The following CARMIL1 variants were observed in gnomAD, a reference collection of about 807,000 sequenced individuals.
CARMIL1 encodes the protein F-actin-uncapping protein LRRC16A.
A neutral mutation model predicts 177.1 loss-of-function variants in CARMIL1; 90 were observed. The observed-to-expected ratio is 0.51, with a 90% CI of 0.43 to 0.61. The LOEUF is 0.61. Among genes scored for constraint, CARMIL1 ranks in the 20% least tolerant of loss-of-function variants. The pLI, the probability that CARMIL1 is intolerant of heterozygous loss-of-function variation, is 0.00. For missense variants in CARMIL1, 1,380 were observed against 1,667.0 expected, an observed-to-expected ratio of 0.83 and a Z score of 3.00; for synonymous variants, 577 against 606.2, an observed-to-expected ratio of 0.95 and a Z score of 0.71.
chr6:25,537,588 T>C (rs1808428994), intron 24 of CARMIL1, among the ~76,000 whole-genome samples: 1 of 152,226 alleles, frequency 6.6e-6, no homozygotes. Context: ...ACGTGCTGCA[T>C]TTCCTAAGGC....
At chr6:25,614,473 A>G (rs1816745864) in intron 36 of CARMIL1, among the ~76,000 whole-genome samples, 1 of 152,234 alleles carries the variant, frequency 6.6e-6, no homozygotes, top group Admixed American at 6.5e-5. Context: ...GAAAATCTCT[A>G]TCTTCAGTCC....
At chr6:25,322,457 A>T (rs1379360142) in intron 2 of CARMIL1, among the ~76,000 whole-genome samples, 1 of 152,222 alleles carries the variant, frequency 6.6e-6, no homozygotes, top group East Asian at 1.9e-4. Flanking sequence ...AAATAGAGTG[A>T]TTATTAAAGT....
intron 8 of CARMIL1, among the ~76,000 whole-genome samples, chr6:25,462,008 C>G (rs967578439): frequency 4.6e-5 from 7 of 151,930 alleles, no homozygotes; most frequent in African/African-American, 1.7e-4. Context: ...ATCTTTTGCT[C>G]ATTTAAAAAA....
intron 2 of CARMIL1, 72 bp from the exon 3 acceptor site, chr6:25,420,042 C>T (rs1272338842): frequency 1.7e-6 from 2 of 1,150,678 alleles, no homozygotes; most frequent in South Asian, 1.2e-5. Context: ...CATTAAAGTC[C>T]CGTGGAAACA....
chr6:25,295,713 A>T (rs189015876), intron 2 of CARMIL1, among the ~76,000 whole-genome samples: 1 of 152,270 alleles, frequency 6.6e-6, no homozygotes, highest in East Asian at 1.9e-4. Flanking sequence ...GTTCTTTCAG[A>T]TCTCCCTGTG....
intron 36 of CARMIL1, among the ~76,000 whole-genome samples, chr6:25,614,163 C>T (rs1025248988): frequency 2.0e-5 from 3 of 152,170 alleles, no homozygotes; most frequent in Non-Finnish European, 4.4e-5. Context: ...CCAGGGACAA[C>T]GTTTGGAGCC....
At chr6:25,441,086 A>G (rs58966919) in intron 5 of CARMIL1, among the ~76,000 whole-genome samples, 1,791 of 152,266 alleles carry the variant, frequency 0.012, 52 homozygotes, top group African/African-American at 0.039. Context: ...AATAACATCC[A>G]TCATTCAAAT....
At chr6:25,605,902 A>AT (rs1815915334) in intron 34 of CARMIL1, among the ~76,000 whole-genome samples, 159 bp from the exon 35 acceptor site, 2 of 152,202 alleles carry the variant, frequency 1.3e-5, no homozygotes, top group Non-Finnish European at 2.9e-5. Flanking sequence ...GCATGTTTTG[A>AT]TTTTAAAACA....
chr6:25,537,731 T>G, intron 24 of CARMIL1, 124 bp from the exon 25 acceptor site: 1 of 1,141,834 alleles, frequency 8.8e-7, no homozygotes, highest in Non-Finnish European at 1.2e-6. Flanking sequence ...GGGTTTGAGG[T>G]TTTCATCCTT....
chr6:25,606,655 G>C (rs905450343), intron 35 of CARMIL1, among the ~76,000 whole-genome samples: 1 of 152,178 alleles, frequency 6.6e-6, no homozygotes, highest in Non-Finnish European at 1.5e-5. Flanking sequence ...TAAGGAGGAA[G>C]GCTACAAATG....
intron 32 of CARMIL1, 99 bp downstream of exon 32, chr6:25,594,626 TGGAAA>T: frequency 1.4e-6 from 1 of 701,142 alleles, no homozygotes; most frequent in Non-Finnish European, 2.4e-6. Context: ...ATTTTATATA[TGGAAA>T]TTACTATTCT....
chr6:25,327,382 A>AT (rs1164103511), intron 2 of CARMIL1, among the ~76,000 whole-genome samples: 1 of 152,250 alleles, frequency 6.6e-6, no homozygotes, highest in Admixed American at 6.5e-5. Flanking sequence ...GATTTGTAGC[A>AT]TAGAGATCAC....
intron 17 of CARMIL1, among the ~76,000 whole-genome samples, chr6:25,505,084 A>G (rs1804781532): frequency 1.3e-5 from 2 of 152,294 alleles, no homozygotes; most frequent in South Asian, 4.1e-4. Flanking sequence ...AGCTTTATAA[A>G]TATTCAGTCT....
At chr6:25,319,545 T>G (rs1326021410) in intron 2 of CARMIL1, among the ~76,000 whole-genome samples, 1 of 152,082 alleles carries the variant, frequency 6.6e-6, no homozygotes, top group East Asian at 1.9e-4. Context: ...GGGAGGGCAG[T>G]GCACACAGAG....
chr6:25,395,665 C>T (rs1425474128), intron 2 of CARMIL1, among the ~76,000 whole-genome samples: 2 of 152,126 alleles, frequency 1.3e-5, no homozygotes, highest in Admixed American at 6.5e-5. Context: ...AATGATTGCT[C>T]ATATAGTATT....
intron 8 of CARMIL1, among the ~76,000 whole-genome samples, chr6:25,460,829 T>G (rs1261729427): frequency 6.6e-6 from 1 of 152,220 alleles, no homozygotes; most frequent in Admixed American, 6.5e-5. Flanking sequence ...ACTTGTCTCC[T>G]TAGAGAAAAG....
chr6:25,472,748 AT>A, intron 11 of CARMIL1: 1 of 516,630 alleles, frequency 1.9e-6, no homozygotes. Context: ...GGAAGATATT[AT>A]TTTTAATATG....
At chr6:25,300,709 A>G (rs1361599027) in intron 2 of CARMIL1, among the ~76,000 whole-genome samples, 1 of 152,254 alleles carries the variant, frequency 6.6e-6, no homozygotes, top group African/African-American at 2.4e-5. Context: ...GACCTACTAA[A>G]TCAGAAACTC....
intron 2 of CARMIL1, among the ~76,000 whole-genome samples, chr6:25,376,819 A>G (rs1791033906): frequency 6.6e-6 from 1 of 152,192 alleles, no homozygotes; most frequent in South Asian, 2.1e-4. Flanking sequence ...TAAATGCAAT[A>G]CTCAGTGGTG....
Sources: allele counts gnomAD v4.1 joint callset (sites outside exome capture counted in the v4.1 genomes callset), GRCh38; gene constraint gnomAD v4.1.1; transcripts MANE v1.5; gene names NCBI Gene and HGNC (gene_info 2026-07-23, HGNC 2026-07-21).